CADPS2: variants seen among roughly 807,000 people sequenced by gnomAD.
CADPS2 encodes calcium-dependent secretion activator 2.
In CADPS2, 93 loss-of-function variants were observed where a neutral mutation model predicts 172.5. That is an observed-to-expected ratio of 0.54 (90% CI 0.46 to 0.64). The LOEUF is 0.64. Among genes scored for constraint, CADPS2 ranks in the 30% least tolerant of loss-of-function variants. The pLI is 0.00. For missense variants in CADPS2, 1,420 were observed against 1,565.9 expected (o/e 0.91, Z 1.57); for synonymous variants, 546 against 555.2 (o/e 0.98, Z 0.23).
intron 3 of CADPS2, among the ~76,000 whole-genome samples, chr7:122,660,252 C>G (rs1287484096): frequency 1.3e-5 from 2 of 152,062 alleles, no homozygotes; most frequent in Non-Finnish European, 2.9e-5. Flanking sequence ...ATTGGATATA[C>G]TCTATTATGG....
At chr7:122,433,340 A>G (rs1462123011) in intron 17 of CADPS2, among the ~76,000 whole-genome samples, 1 of 151,328 alleles carries the variant, frequency 6.6e-6, no homozygotes, top group East Asian at 1.9e-4. Context: ...ACATTCTTAA[A>G]TTTAGTTTTC....
chr7:122,474,451 T>G lies in CADPS2; in HGVS notation c.1928A>C (p.His643Pro), dbSNP rs766864644. 6.2e-7 allele frequency: 1 copy of G among 1,613,454 alleles called. No individual in the cohort carries two copies. The highest frequency in any genetic ancestry group is 8.5e-7 in the Non-Finnish European group (1 of 1,179,646). The stretch of plus-strand genomic sequence containing the variant: ...CTGGAGTATTCTAAAAAGGAAGGCA[T>G]GATCAAGCTTGCAGGGGTTTGCAGA... ...FISANPCKLD[H>P]AFLFRILQRQ... Residue 643 changes from histidine (H) to proline (P), a missense_variant, in exon 13 of 30, where the codon CAT becomes CCT. His to Pro is a moderately conservative substitution (Grantham distance 77). Coordinates refer to ENST00000449022, the MANE Select transcript of CADPS2 (RefSeq NM_017954.11).
chr7:122,688,112 T>C (rs2083868814), intron 2 of CADPS2, among the ~76,000 whole-genome samples: 1 of 152,202 alleles, frequency 6.6e-6, no homozygotes, highest in South Asian at 2.1e-4. Flanking sequence ...CAGGGAGTCA[T>C]TCTTAACTCT....
intron 1 of CADPS2, among the ~76,000 whole-genome samples, chr7:122,806,474 AATT>A (rs1798821260): frequency 6.6e-6 from 1 of 152,234 alleles, no homozygotes; most frequent in Non-Finnish European, 1.5e-5. Flanking sequence ...TGGCATGGAC[AATT>A]AATGGGTTTA....
intron 2 of CADPS2, among the ~76,000 whole-genome samples, chr7:122,680,842 C>T (rs548216942): frequency 2.2e-4 from 33 of 152,102 alleles, no homozygotes; most frequent in African/African-American, 5.3e-4. Flanking sequence ...ATGTTTATTG[C>T]GGCATTATTC....
intron 1 of CADPS2, among the ~76,000 whole-genome samples, chr7:122,765,095 T>C (rs2093505105): frequency 6.6e-6 from 1 of 152,172 alleles, no homozygotes; most frequent in Non-Finnish European, 1.5e-5. Flanking sequence ...CATCTGACAC[T>C]TCCATGGATT....
intron 2 of CADPS2, among the ~76,000 whole-genome samples, chr7:122,689,436 T>C (rs2084043913): frequency 6.6e-6 from 1 of 152,214 alleles, no homozygotes; most frequent in Non-Finnish European, 1.5e-5. Flanking sequence ...GCCCGAGCTG[T>C]GTGCTCTGCA....
intron 7 of CADPS2, among the ~76,000 whole-genome samples, chr7:122,557,492 T>G (rs1022060512): frequency 6.6e-6 from 1 of 152,150 alleles, no homozygotes; most frequent in Non-Finnish European, 1.5e-5. Context: ...ATAGCTCTCC[T>G]GTCCCTGTTC....
intron 6 of CADPS2, among the ~76,000 whole-genome samples, chr7:122,590,479 TC>T (rs2133179197): frequency 6.6e-6 from 1 of 152,042 alleles, no homozygotes; most frequent in East Asian, 1.9e-4. Context: ...CTTAAGACAT[TC>T]CCCTTGTATG....
At chr7:122,375,866 TA>T (rs1290260255) in intron 25 of CADPS2, among the ~76,000 whole-genome samples, 4 of 149,756 alleles carry the variant, frequency 2.7e-5, no homozygotes, top group African/African-American at 9.8e-5. Flanking sequence ...ATTTGTCTGA[TA>T]AGGAGTTGAC....
At chr7:122,835,785 G>T (rs953698035) in intron 1 of CADPS2, among the ~76,000 whole-genome samples, 1 of 152,186 alleles carries the variant, frequency 6.6e-6, no homozygotes, top group Non-Finnish European at 1.5e-5. Flanking sequence ...TATATGAAAA[G>T]ACCAAACCTA....
At chr7:122,325,658 C>A in intron 28 of CADPS2, 77 bp from the exon 29 acceptor site, 2 of 826,736 alleles carry the variant, frequency 2.4e-6, no homozygotes, top group South Asian at 1.5e-5. Flanking sequence ...TTAACAGATT[C>A]GATAATGAGG....
intron 15 of CADPS2, among the ~76,000 whole-genome samples, chr7:122,442,957 A>G (rs531305317): frequency 5.3e-4 from 80 of 152,328 alleles, no homozygotes; most frequent in African/African-American, 1.9e-3. Context: ...GCATTAGCAA[A>G]TTAGCAAAGT....
intron 12 of CADPS2, 137 bp from the exon 13 acceptor site, chr7:122,474,654 C>T (rs570557002): frequency 2.6e-6 from 2 of 775,938 alleles, no homozygotes; most frequent in South Asian, 4.4e-5. Flanking sequence ...GCCAAGAGTT[C>T]AGCATATTAA....
intron 5 of CADPS2, among the ~76,000 whole-genome samples, chr7:122,617,978 G>A (rs574050748): frequency 6.6e-6 from 1 of 152,002 alleles, no homozygotes; most frequent in Non-Finnish European, 1.5e-5. Flanking sequence ...GGGAGGCGGA[G>A]GTTGGCAGTG....
intron 25 of CADPS2, among the ~76,000 whole-genome samples, chr7:122,364,248 A>C (rs993968533): frequency 6.6e-6 from 1 of 150,706 alleles, no homozygotes; most frequent in Non-Finnish European, 1.5e-5. Context: ...CTGTCTCTAC[A>C]AAAAAAAATT....
intron 1 of CADPS2, among the ~76,000 whole-genome samples, chr7:122,741,297 T>C (rs1000104454): frequency 4.6e-5 from 7 of 152,150 alleles, no homozygotes; most frequent in South Asian, 2.1e-4. Flanking sequence ...TTTGCTTCCA[T>C]ATATAGACAG....
chr7:122,761,800 G>A (rs1482588220), intron 1 of CADPS2, among the ~76,000 whole-genome samples: 1 of 149,550 alleles, frequency 6.7e-6, no homozygotes, highest in East Asian at 2.0e-4. Context: ...TTTGAAACAA[G>A]CCTGGCCAAC....
intron 1 of CADPS2, among the ~76,000 whole-genome samples, chr7:122,752,592 G>C (rs1288689576): frequency 6.6e-6 from 1 of 152,160 alleles, no homozygotes; most frequent in Non-Finnish European, 1.5e-5. Context: ...CAAAGACATA[G>C]ATGTGATAGT....
Sources: gnomAD v4.1 joint callset for allele counts (sites outside exome capture counted in the v4.1 genomes callset) on GRCh38, gnomAD v4.1.1 for gene constraint, MANE v1.5 for transcripts, NCBI Gene and HGNC (gene_info 2026-07-23, HGNC 2026-07-21) for gene names.